The following PSMB7 variants were observed in gnomAD, a reference collection of about 807,000 sequenced individuals.
PSMB7 encodes proteasome subunit beta type-7.
In PSMB7, 5 loss-of-function variants were observed where a neutral mutation model predicts 28.1. The ratio of observed to expected loss-of-function variants is 0.18; its 90% CI spans 0.09 to 0.37. PSMB7 has a LOEUF of 0.37. Among genes scored for constraint, PSMB7 ranks in the 10% least tolerant of loss-of-function variants. The pLI, the probability that PSMB7 is intolerant of heterozygous loss-of-function variation, is 1.00. For missense variants in PSMB7, 275 were observed against 346.2 expected (o/e 0.79, Z 1.63); for synonymous variants, 122 against 123.7 (o/e 0.99, Z 0.09).
At chr9:124,397,895 C>A (rs1381130336) in intron 5 of PSMB7, among the ~76,000 whole-genome samples, 2 of 152,224 alleles carry the variant, frequency 1.3e-5, no homozygotes, top group Non-Finnish European at 2.9e-5. Context: ...CAGCCAGGCA[C>A]AGTGGCTCAT....
chr9:124,356,609 TAAC>T lies in PSMB7; in HGVS notation c.722+152_722+154del, dbSNP rs958643819. ...CAGCAGCCCACTGTCATAAAGCAAG[TAAC>T]AAGCCGAAGGTCTGTGTGGGAGGTT... is the stretch of plus-strand genomic sequence containing the variant. On this transcript the variant is annotated intron_variant, in intron 7 of 7. Coordinates refer to ENST00000259457, the MANE Select transcript of PSMB7 (RefSeq NM_002799.4). This position sits in a 1 kb window ranked among gnomAD's most constrained non-coding sequence, Gnocchi z 4.4. Among the ~76,000 whole-genome samples, 3 of 152,108 alleles carry T rather than the reference TAAC, an allele frequency of 2.0e-5. No individual in the cohort carries two copies. Among genetic ancestry groups the T allele is most frequent in the African/African-American group, 7.2e-5 (3 of 41,412 alleles).
At chr9:124,369,002 T>C (rs1053839264) in intron 6 of PSMB7, among the ~76,000 whole-genome samples, 8 of 152,230 alleles carry the variant, frequency 5.3e-5, no homozygotes, top group African/African-American at 1.9e-4. Context: ...AAAGCCAGTG[T>C]ATTTGTCAAG....
intron 4 of PSMB7, among the ~76,000 whole-genome samples, chr9:124,410,236 T>C (rs140504275): frequency 0.027 from 4,098 of 152,258 alleles, 88 homozygotes; most frequent in Middle Eastern, 0.13. Context: ...CCTTGTGATC[T>C]GCCTGCCTCG....
At chr9:124,354,712 A>G (rs993140143) in intron 7 of PSMB7, among the ~76,000 whole-genome samples, 2 of 152,174 alleles carry the variant, frequency 1.3e-5, no homozygotes, top group South Asian at 2.1e-4. Context: ...CCTTTGAACA[A>G]TGTGTCCCCA....
chr9:124,381,261 T>C (rs139207865), intron 6 of PSMB7, among the ~76,000 whole-genome samples: 1 of 152,320 alleles, frequency 6.6e-6, no homozygotes, highest in African/African-American at 2.4e-5. Context: ...AAGTACAGGT[T>C]TGGAGATCAG....
chr9:124,364,873 C>T (rs530297426), intron 6 of PSMB7, among the ~76,000 whole-genome samples: 27 of 152,280 alleles, frequency 1.8e-4, no homozygotes, highest in Non-Finnish European at 3.4e-4. Context: ...GCAGAAGAGC[C>T]GCGTTCCCAC....
chr9:124,363,701 GC>G (rs899276656), intron 6 of PSMB7, among the ~76,000 whole-genome samples: 4 of 152,148 alleles, frequency 2.6e-5, no homozygotes, highest in African/African-American at 9.7e-5. Flanking sequence ...TTCCTTGATA[GC>G]TTTTTTTTTG....
At position 124,353,665 on chromosome 9, in the gene PSMB7, G is replaced by T; in HGVS notation, c.767C>A (p.Thr256Asn). The T allele has an allele frequency of 6.2e-7, 1 of 1,614,056 alleles. No homozygotes were observed. The highest frequency in any genetic ancestry group is 1.7e-5 in the Admixed American group (1 of 60,028). The change falls in exon 8 of 8, where the codon ACT becomes AAT. Residue 256 changes from threonine (T) to asparagine (N), a missense_variant. By Grantham distance (65) the Thr-to-Asn change is moderately conservative. Around this residue, in one of 2 missense-constraint regions of PSMB7, gnomAD observed 213 missense variants for 302.4 expected, o/e 0.70. Coordinates refer to ENST00000259457, the MANE Select transcript of PSMB7 (RefSeq NM_002799.4). The stretch of plus-strand genomic sequence containing the variant: ...AATCTCCAGAGGAGTGATTTTCTCA[G>T]TGAGGACTGCAGTAGTCCCTTTCTC... Reference protein sequence around the residue: ...RCEKGTTAVLTEKITPLEIEV... With the variant: ...RCEKGTTAVLNEKITPLEIEV...
intron 6 of PSMB7, among the ~76,000 whole-genome samples, chr9:124,378,978 C>A (rs966300694): frequency 6.6e-6 from 1 of 152,150 alleles, no homozygotes; most frequent in Non-Finnish European, 1.5e-5. Context: ...AATTCTTATA[C>A]CAGCCTTAAC....
At chr9:124,357,196 T>C (rs1830417636) in intron 6 of PSMB7, among the ~76,000 whole-genome samples, 2 of 152,140 alleles carry the variant, frequency 1.3e-5, no homozygotes, top group African/African-American at 2.4e-5. Flanking sequence ...GTTAGTAACT[T>C]ATCTTTAAAA....
At chr9:124,415,208 G>A (rs1831074311) in intron 1 of PSMB7, 156 bp downstream of exon 1, 2 of 809,630 alleles carry the variant, frequency 2.5e-6, no homozygotes, top group Non-Finnish European at 1.9e-6. Context: ...AGAAACCCAC[G>A]CCCAGGCCCT....
chr9:124,365,879 C>T (rs1433624729), intron 6 of PSMB7, among the ~76,000 whole-genome samples: 1 of 152,152 alleles, frequency 6.6e-6, no homozygotes, highest in Non-Finnish European at 1.5e-5. Context: ...CGTGCCACCG[C>T]ACTCCAGCCT....
intron 5 of PSMB7, chr9:124,396,769 G>A (rs748553157): frequency 1.7e-4 from 78 of 470,822 alleles, no homozygotes; most frequent in South Asian, 1.2e-3. Flanking sequence ...GCTGCTACAA[G>A]GAACACTGCC....
intron 5 of PSMB7, among the ~76,000 whole-genome samples, chr9:124,387,203 G>A (rs978188546): frequency 3.3e-5 from 5 of 152,090 alleles, no homozygotes; most frequent in Admixed American, 6.5e-5. Context: ...CCCAGATCGC[G>A]CAACTGCACT....
chr9:124,387,458 C>T (rs1830736537), intron 5 of PSMB7, among the ~76,000 whole-genome samples: 1 of 151,892 alleles, frequency 6.6e-6, no homozygotes, highest in Non-Finnish European at 1.5e-5. Context: ...TTTCTGGCTT[C>T]CCCTTTTTAT....
intron 6 of PSMB7, among the ~76,000 whole-genome samples, chr9:124,379,088 A>C (rs1830639605): frequency 6.6e-6 from 1 of 152,224 alleles, no homozygotes; most frequent in Non-Finnish European, 1.5e-5. Context: ...CAACTTACAC[A>C]TTTCAAAATC....
intron 2 of PSMB7, 146 bp from the exon 3 acceptor site, chr9:124,414,151 G>A (rs148338666): frequency 1.8e-6 from 1 of 562,844 alleles, no homozygotes; most frequent in Non-Finnish European, 3.1e-6. Context: ...AAAATATTGT[G>A]CTACACTTTC....
intron 6 of PSMB7, among the ~76,000 whole-genome samples, chr9:124,362,428 G>C (rs555356271): frequency 2.0e-5 from 3 of 152,294 alleles, no homozygotes; most frequent in African/African-American, 7.2e-5. Flanking sequence ...CCTTTGCTGG[G>C]GGAAGCAAGA....
intron 6 of PSMB7, among the ~76,000 whole-genome samples, chr9:124,370,937 C>T (rs1002540516): frequency 3.3e-5 from 5 of 152,168 alleles, no homozygotes; most frequent in African/African-American, 9.7e-5. Context: ...TAAAATTCTT[C>T]ATCATGCTTC....
Sources: gnomAD v4.1 joint callset for allele counts (sites outside exome capture counted in the v4.1 genomes callset) on GRCh38, gnomAD v4.1.1 for gene constraint, gnomAD v4.1.1 regional missense constraint, Gnocchi (gnomAD v3.1) non-coding constraint, MANE v1.5 for transcripts, NCBI Gene and HGNC (gene_info 2026-07-23, HGNC 2026-07-21) for gene names.